WDR70: variants seen among roughly 807,000 people sequenced by gnomAD.
The protein encoded by WDR70 is WD repeat-containing protein 70.
WDR70 carries 53 observed loss-of-function variants against 88.6 expected under a neutral mutation model. The observed-to-expected ratio is 0.60, with a 90% confidence interval of 0.48 to 0.75. The LOEUF (loss-of-function observed/expected upper bound fraction) is 0.75. Among genes scored for constraint, WDR70 ranks in the 30% least tolerant of loss-of-function variants. The probability of loss-of-function intolerance (pLI) is 0.00; values close to 1 mark genes in which losing one functional copy is unlikely to be tolerated. For missense variants in WDR70, 610 were observed against 823.2 expected, an observed-to-expected ratio of 0.74 and a Z score of 3.17; for synonymous variants, 280 against 270.0, an observed-to-expected ratio of 1.04 and a Z score of -0.36.
intron 5 of WDR70, among the ~76,000 whole-genome samples, chr5:37,427,217 G>A (rs973952088): frequency 7.2e-5 from 11 of 152,014 alleles, no homozygotes; most frequent in Admixed American, 3.9e-4. Context: ...GTGAAACCCC[G>A]TCTCTACTAA....
intron 5 of WDR70, among the ~76,000 whole-genome samples, chr5:37,433,440 T>G (rs532457737): frequency 7.2e-5 from 11 of 152,284 alleles, no homozygotes; most frequent in African/African-American, 2.6e-4. Flanking sequence ...TACAGCCTGA[T>G]TTGGAACTCT....
chr5:37,509,569 AT>A (rs1291952589), intron 8 of WDR70, among the ~76,000 whole-genome samples: 1 of 152,146 alleles, frequency 6.6e-6, no homozygotes, highest in East Asian at 1.9e-4. Context: ...AAAATATCTG[AT>A]GAAGTGTGTT....
At chr5:37,517,238 A>T (rs114902354) in intron 9 of WDR70, among the ~76,000 whole-genome samples, 1 of 152,226 alleles carries the variant, frequency 6.6e-6, no homozygotes, top group East Asian at 1.9e-4. Flanking sequence ...CTAATAGCTA[A>T]CATAAGCTTA....
chr5:37,588,983 T>G (rs1354810932), intron 9 of WDR70, among the ~76,000 whole-genome samples: 1 of 152,054 alleles, frequency 6.6e-6, no homozygotes, highest in Non-Finnish European at 1.5e-5. Flanking sequence ...CAGGCTAGTC[T>G]CGAACTCCTG....
rs574272085 is a variant in WDR70 at position 37,615,922 on chromosome 5, A to T, written c.1092+10684A>T. ...ATACCCTCATCACCTTTAACTTGTG[A>T]TGCTGGCTATCCTCACCCTTCTCTC... is the stretch of plus-strand genomic sequence containing the variant. On this transcript the variant is annotated intron_variant, in intron 10 of 17. Coordinates refer to ENST00000265107, the MANE Select transcript of WDR70 (RefSeq NM_018034.4). Among the ~76,000 whole-genome samples, 4 of 152,206 alleles carry T rather than the reference A, an allele frequency of 2.6e-5. No homozygotes were observed. The East Asian group carries it at 5.8e-4, about 22-fold the overall frequency.
In WDR70 at chr5:37,467,871, C is replaced by T. The variant is rs183681223; in HGVS notation, c.687-11963C>T. Among the ~76,000 whole-genome samples the T allele has an allele frequency of 6.9e-4, 105 of 152,190 alleles. 1 individual carries two copies. In the East Asian group the frequency reaches 0.019, roughly 28 times the overall value. On this transcript the variant is annotated intron_variant, in intron 7 of 17. Transcript: ENST00000265107. The stretch of plus-strand genomic sequence containing the variant: ...CTGGGATTACAGGCGCCCGCCACCG[C>T]GCCCAGCTAATTTTTTGTATTTTTA...
At chr5:37,499,591 C>CTCTCTCTCTCTTTT (rs1740338784) in intron 8 of WDR70, among the ~76,000 whole-genome samples, 1 of 36,944 alleles carries the variant, frequency 2.7e-5, no homozygotes, top group Admixed American at 3.9e-4. Context: ...GAAATATTCT[C>CTCTCTCTCTCTTTT]TCTCTCTCTC....
At chr5:37,694,840 T>TATA (rs34298664) in intron 10 of WDR70, among the ~76,000 whole-genome samples, 13,046 of 149,696 alleles carry the variant, frequency 0.087, 1,750 homozygotes, top group African/African-American at 0.29. Context: ...TAACTTAAAG[T>TATA]ATAATAATAA....
intron 17 of WDR70, among the ~76,000 whole-genome samples, chr5:37,744,389 C>T (rs541998560): frequency 1.3e-5 from 2 of 152,128 alleles, no homozygotes; most frequent in South Asian, 2.1e-4. Flanking sequence ...ATGATTGCAT[C>T]GTCTCTCCAT....
chr5:37,424,148 C>CAAAAAAAAAAAAAAAAAAAAA (rs11304949), intron 5 of WDR70, among the ~76,000 whole-genome samples: 3 of 55,492 alleles, frequency 5.4e-5, no homozygotes, highest in South Asian at 1.1e-3. Context: ...GACTCCATCT[C>CAAAAAAAAAAAAAAAAAAAAA]AAAAAAAAAA....
At chr5:37,670,202 T>C (rs79392564) in intron 10 of WDR70, among the ~76,000 whole-genome samples, 10,013 of 146,432 alleles carry the variant, frequency 0.068, 407 homozygotes, top group South Asian at 0.16. Flanking sequence ...AAAAATCTTA[T>C]ATCAAAAGAA....
chr5:37,416,006 A>T (rs1321863757), intron 5 of WDR70, among the ~76,000 whole-genome samples: 1 of 148,438 alleles, frequency 6.7e-6, no homozygotes, highest in Non-Finnish European at 1.5e-5. Flanking sequence ...GGCCTGGCAG[A>T]GACGCTCCTC....
At position 37,725,063 on chromosome 5, in the gene WDR70, C is replaced by G; in HGVS notation, c.1714+13C>G. 1 of 1,610,188 alleles carries G rather than the reference C, an allele frequency of 6.2e-7. No individual in the cohort carries two copies. The highest frequency in any genetic ancestry group is 2.2e-5 in the East Asian group (1 of 44,820). On this transcript the variant is annotated intron_variant, in intron 16 of 17. Coordinates refer to ENST00000265107, the MANE Select transcript of WDR70 (RefSeq NM_018034.4). ...GTAGCAGGCCCAGGTGACTGTGATC[C>G]AGCTAGTGACCTGCAGAGGGGGTTC...
At chr5:37,479,725 A>T (rs1331248163) in intron 7 of WDR70, 109 bp from the exon 8 acceptor site, 3 of 1,289,450 alleles carry the variant, frequency 2.3e-6, no homozygotes, top group Non-Finnish European at 3.2e-6. Context: ...TTGTGGAATT[A>T]TCAATTTGTC....
intron 17 of WDR70, among the ~76,000 whole-genome samples, chr5:37,741,434 G>T (rs1581541135): frequency 6.6e-6 from 1 of 152,004 alleles, no homozygotes; most frequent in East Asian, 1.9e-4. Flanking sequence ...AACCTTTTTG[G>T]CACCAGGGAC....
chr5:37,568,560 C>T (rs1247091491), intron 9 of WDR70, among the ~76,000 whole-genome samples: 1 of 152,120 alleles, frequency 6.6e-6, no homozygotes, highest in East Asian at 1.9e-4. Context: ...AAATCTTAAC[C>T]TTTGTTCTGA....
Position 37,699,331 on chromosome 5 carries a change from TACACACACACAC to T in WDR70, c.1192+1595_1192+1606del, listed in dbSNP as rs67566263. Among the ~76,000 whole-genome samples the T allele has an allele frequency of 7.8e-5, 11 of 141,646 alleles. No homozygotes were observed. In the South Asian group the frequency reaches 1.2e-3, roughly 15 times the overall value. The allele number at this position is 141,646 out of a possible 152,430, so 92.9% of individuals were successfully genotyped here. On this transcript the variant is annotated intron_variant, in intron 11 of 17. Transcript: ENST00000265107. Reference sequence around the variant, plus strand: ...ATAATTCTTACTTTCCTTTCCATCATACACACACACACACACACACACACACACAGTGTGTGT... The same window carrying T: ...ATAATTCTTACTTTCCTTTCCATCATACACACACACACACACAGTGTGTGT...
intron 10 of WDR70, among the ~76,000 whole-genome samples, chr5:37,646,594 T>G (rs998698742): frequency 1.3e-5 from 2 of 152,194 alleles, no homozygotes; most frequent in Non-Finnish European, 2.9e-5. Context: ...AGGAATTTCT[T>G]TATTTTTCTT....
At chr5:37,546,916 CAA>C (rs781701234) in intron 9 of WDR70, among the ~76,000 whole-genome samples, 2 of 134,322 alleles carry the variant, frequency 1.5e-5, no homozygotes. Flanking sequence ...GACTCTGTCT[CAA>C]AAAAAAAAAA....
Sources: allele counts gnomAD v4.1 joint callset (sites outside exome capture counted in the v4.1 genomes callset), GRCh38; gene constraint gnomAD v4.1.1; transcripts MANE v1.5; gene names NCBI Gene and HGNC (gene_info 2026-07-23, HGNC 2026-07-21).